Variants in TCF4 observed in about 807,000 individuals in gnomAD.
TCF4 encodes the protein SL3-3 enhancer factor 2.
TCF4 carries 3 observed loss-of-function variants against 82.1 expected under a neutral mutation model. The observed-to-expected ratio is 0.04, with a 90% CI of 0.02 to 0.09. The LOEUF is 0.09. TCF4 is among the 10% of genes least tolerant of loss of function. The pLI is 1.00. For missense variants in TCF4, 518 were observed against 852.7 expected (o/e 0.61, Z 4.89); for synonymous variants, 276 against 309.6 (o/e 0.89, Z 1.14).
chr18:55,424,625 C>T (rs139700971), intron 5 of TCF4, among the ~76,000 whole-genome samples: 15 of 152,138 alleles, frequency 9.9e-5, no homozygotes, highest in African/African-American at 3.4e-4. Context: ...AAGGATAATA[C>T]ACAGCACTGA....
At chr18:55,367,696 G>A (rs893639797) in intron 6 of TCF4, among the ~76,000 whole-genome samples, 7 of 152,160 alleles carry the variant, frequency 4.6e-5, no homozygotes, top group African/African-American at 1.7e-4. Context: ...AGAAGAGTAG[G>A]ATTTAAACAG....
At chr18:55,442,354 A>C (rs2095453065) in intron 5 of TCF4, among the ~76,000 whole-genome samples, 1 of 152,232 alleles carries the variant, frequency 6.6e-6, no homozygotes, top group Admixed American at 6.5e-5. Flanking sequence ...GCAGTTCTAC[A>C]GAAAACCACT....
chr18:55,510,733 C>T (rs1366973355), intron 3 of TCF4: 5 of 1,359,718 alleles, frequency 3.7e-6, no homozygotes, highest in Non-Finnish European at 4.7e-6. Context: ...TTCCTTGTTA[C>T]TCTCCTGTGC....
intron 6 of TCF4, among the ~76,000 whole-genome samples, chr18:55,378,029 G>A (rs892640039): frequency 2.6e-5 from 4 of 151,982 alleles, no homozygotes; most frequent in South Asian, 2.1e-4. Flanking sequence ...AAAGAAATAC[G>A]TGGTTTTAAT....
intron 3 of TCF4, among the ~76,000 whole-genome samples, chr18:55,579,942 G>C (rs956931571): frequency 1.3e-5 from 2 of 151,926 alleles, no homozygotes; most frequent in Non-Finnish European, 2.9e-5. Flanking sequence ...AGACAGATTC[G>C]AGCAATTAAC....
chr18:55,565,138 G>A (rs1044680971), intron 3 of TCF4, among the ~76,000 whole-genome samples: 14 of 152,186 alleles, frequency 9.2e-5, no homozygotes, highest in East Asian at 3.9e-4. Context: ...TAAAGTTGCT[G>A]GGAAGAATGG....
chr18:55,484,871 G>A (rs990678703), intron 3 of TCF4, among the ~76,000 whole-genome samples: 1 of 152,094 alleles, frequency 6.6e-6, no homozygotes, highest in African/African-American at 2.4e-5. Flanking sequence ...AGCAGTTTTT[G>A]GTATAATTGC....
intron 3 of TCF4, among the ~76,000 whole-genome samples, chr18:55,544,294 G>C (rs567293640): frequency 6.6e-6 from 1 of 152,304 alleles, no homozygotes; most frequent in South Asian, 2.1e-4. Context: ...TGCAAGAGCT[G>C]TTTTAAGTAC....
intron 3 of TCF4, among the ~76,000 whole-genome samples, chr18:55,539,815 C>A (rs1452959004): frequency 6.6e-6 from 1 of 151,840 alleles, no homozygotes; most frequent in African/African-American, 2.4e-5. Context: ...AAAATACAGC[C>A]ATTGAAACAG....
rs1004544066 is a variant in TCF4 at position 55,222,304 on chromosome 18, T to C, written c.*5731A>G. ...CCCCACCCCTTTTCAGTAGTAGTTA[T>C]ATGATCAAATATAATACTAAAAGAC... On this transcript the variant is annotated 3_prime_UTR_variant, in exon 20 of 20. Coordinates refer to ENST00000354452, the MANE Select transcript of TCF4 (RefSeq NM_001083962.2). 2 of 152,212 alleles carry C rather than the reference T, an allele frequency of 1.3e-5. No individual in the cohort carries two copies. The highest frequency in any genetic ancestry group is 2.9e-5 in the Non-Finnish European group (2 of 68,036). 9.4% of individuals were successfully genotyped at this position (152,212 alleles called of 1,614,324 possible).
chr18:55,250,570 CT>C (rs2054695950), intron 15 of TCF4, among the ~76,000 whole-genome samples: 1 of 152,204 alleles, frequency 6.6e-6, no homozygotes, highest in Non-Finnish European at 1.5e-5. Context: ...GCTCAAACTT[CT>C]AAGGCTCACT....
chr18:55,336,607 G>C (rs1450668080), intron 8 of TCF4, among the ~76,000 whole-genome samples: 2 of 152,200 alleles, frequency 1.3e-5, no homozygotes, highest in East Asian at 3.9e-4. Context: ...TTGAAGGCCA[G>C]CAATGAAAGG....
At chr18:55,425,760 G>A (rs1417766948) in intron 5 of TCF4, among the ~76,000 whole-genome samples, 1 of 152,102 alleles carries the variant, frequency 6.6e-6, no homozygotes, top group Non-Finnish European at 1.5e-5. Context: ...ACTAAAACAC[G>A]ATCTCCTCCC....
intron 3 of TCF4, among the ~76,000 whole-genome samples, chr18:55,524,498 C>G (rs1448814833): frequency 6.6e-6 from 1 of 152,090 alleles, no homozygotes; most frequent in African/African-American, 2.4e-5. Flanking sequence ...GTGTTCTTTT[C>G]TTTAAATGAG....
rs146788806 is a variant in TCF4 at position 55,632,378 on chromosome 18, G to A, written c.196-990C>T. Among the ~76,000 whole-genome samples, 311 of 152,280 alleles carry A rather than the reference G, an allele frequency of 2.0e-3. 1 individual carries two copies. Among genetic ancestry groups the A allele is most frequent in the Non-Finnish European group, 3.5e-3 (241 of 68,034 alleles). ...TAATTTTTGTCTACTAACATAACTG[G>A]TGTGTCTGACTGGACCCTAACTGTT... is the stretch of plus-strand genomic sequence containing the variant. On this transcript the variant is annotated intron_variant, in intron 1 of 20. Coordinates refer to the TCF4 transcript ENST00000398339.
At chr18:55,570,417 G>A (rs1242402186) in intron 3 of TCF4, among the ~76,000 whole-genome samples, 1 of 152,030 alleles carries the variant, frequency 6.6e-6, no homozygotes, top group Non-Finnish European at 1.5e-5. Context: ...CAGCATGTAT[G>A]ACTAATAATT....
intron 5 of TCF4, among the ~76,000 whole-genome samples, chr18:55,423,817 C>T (rs1009404140): frequency 6.6e-6 from 1 of 152,130 alleles, no homozygotes; most frequent in Non-Finnish European, 1.5e-5. Context: ...CGCCTGCCTA[C>T]ACTCCAACTG....
chr18:55,312,167 A>C (rs2147232065), intron 8 of TCF4, among the ~76,000 whole-genome samples: 1 of 152,358 alleles, frequency 6.6e-6, no homozygotes, highest in African/African-American at 2.4e-5. Context: ...TTAATGTATA[A>C]ATGTGTTTAG....
In TCF4 at chr18:55,552,952, G is replaced by A. The variant is rs140145079; in HGVS notation, c.145+32328C>T. Among the ~76,000 whole-genome samples the A allele has an allele frequency of 6.3e-3, 966 of 152,248 alleles. 6 individuals carry two copies. Among genetic ancestry groups the A allele is most frequent in the Non-Finnish European group, 9.1e-3 (620 of 68,022 alleles). Reference sequence around the variant, plus strand: ...AACTTACAGGGTTTTCTCTCTACTCGCTCACTGCTCATATTTGCACTTGCG... The same window carrying A: ...AACTTACAGGGTTTTCTCTCTACTCACTCACTGCTCATATTTGCACTTGCG... On this transcript the variant is annotated intron_variant, in intron 3 of 19. Coordinates refer to ENST00000354452, the MANE Select transcript of TCF4 (RefSeq NM_001083962.2).
Sources: allele counts gnomAD v4.1 joint callset (sites outside exome capture counted in the v4.1 genomes callset), GRCh38; gene constraint gnomAD v4.1.1; transcripts MANE v1.5; gene names NCBI Gene and HGNC (gene_info 2026-07-23, HGNC 2026-07-21).